Variants in FDFT1 observed in about 807,000 individuals in gnomAD.
FDFT1 encodes the protein farnesyl-diphosphate farnesyltransferase 1.
In FDFT1, 68 loss-of-function variants were observed where a neutral mutation model predicts 46.8. That is an observed-to-expected ratio of 1.45 (90% CI 1.19 to 1.78). FDFT1 has a LOEUF of 1.78. Ranked by LOEUF, FDFT1 falls within the 40% of genes most tolerant of loss-of-function variation. The pLI is 0.00. For missense variants in FDFT1, 928 were observed against 524.4 expected (o/e 1.77, Z -7.52); for synonymous variants, 351 against 185.1 (o/e 1.90, Z -7.28).
At chr8:11,820,583 G>T (rs767859228) in intron 3 of FDFT1, among the ~76,000 whole-genome samples, 2 of 152,176 alleles carry the variant, frequency 1.3e-5, no homozygotes, top group African/African-American at 2.4e-5. Flanking sequence ...TGGCGGGGAG[G>T]CGCTTCCCCT....
intron 1 of FDFT1, chr8:11,808,333 G>C: frequency 8.1e-7 from 1 of 1,234,148 alleles, no homozygotes. Context: ...AAGGGCAACA[G>C]CGGGAGGAGG....
intron 7 of FDFT1, among the ~76,000 whole-genome samples, chr8:11,832,551 C>CAAAAAAAAAAAAAAAAAAAAAAAAAAAA (rs531759815): frequency 5.5e-5 from 2 of 36,358 alleles, no homozygotes; most frequent in Non-Finnish European, 1.1e-4. Context: ...GACTTTGTCT[C>CAAAAAAAAAAAAAAAAAAAAAAAAAAAA]AAAAAAAAAA....
At chr8:11,813,539 T>C (rs1291060130) in intron 3 of FDFT1, among the ~76,000 whole-genome samples, 1 of 152,222 alleles carries the variant, frequency 6.6e-6, no homozygotes, top group African/African-American at 2.4e-5. Flanking sequence ...CCCGTGAAGT[T>C]AAGTGACAGA....
chr8:11,828,708 T>A (rs1403129742), intron 5 of FDFT1, among the ~76,000 whole-genome samples: 1 of 152,260 alleles, frequency 6.6e-6, no homozygotes, highest in African/African-American at 2.4e-5. Flanking sequence ...GATGAACTTC[T>A]AGCATAGAGT....
chr8:11,833,841 C>G (rs1163308563), intron 7 of FDFT1, among the ~76,000 whole-genome samples: 1 of 152,200 alleles, frequency 6.6e-6, no homozygotes, highest in African/African-American at 2.4e-5. Flanking sequence ...TCTGTTATCC[C>G]AGTAAAACTC....
chr8:11,802,363 C>T (rs538445210), upstream of FDFT1: 36 of 448,002 alleles, frequency 8.0e-5, no homozygotes, highest in Non-Finnish European at 9.0e-5. Context: ...CCCCGCACTG[C>T]TCTCCCGACT....
At chr8:11,822,508 T>C (rs1273453414) in intron 4 of FDFT1, among the ~76,000 whole-genome samples, 6 of 152,196 alleles carry the variant, frequency 3.9e-5, no homozygotes, top group African/African-American at 1.4e-4. Context: ...CTGCTAGAAA[T>C]CAATTTCTGC....
rs918041431 is a variant in FDFT1 at position 11,808,553 on chromosome 8, C to T, written c.100-241C>T. On this transcript the variant is annotated intron_variant, in intron 1 of 7. Transcript: ENST00000220584. ...CCGCCTGCGGCACCAAGGCCATGGC[C>T]CTCTTCAAGCGCACCTTGGTGCTGA... is the stretch of plus-strand genomic sequence containing the variant. 4 of 1,365,284 alleles carry T rather than the reference C, an allele frequency of 2.9e-6. No individual in the cohort carries two copies. In the South Asian group the frequency reaches 7.0e-5, roughly 24 times the overall value. 84.6% of individuals were successfully genotyped at this position (1,365,284 alleles called of 1,614,324 possible).
At chr8:11,814,886 T>G (rs532525595) in intron 3 of FDFT1, among the ~76,000 whole-genome samples, 1 of 152,276 alleles carries the variant, frequency 6.6e-6, no homozygotes. Context: ...TCTTTTATTA[T>G]ACTTTAAGTT....
At chr8:11,811,212 G>T (rs1021099947) in intron 3 of FDFT1, among the ~76,000 whole-genome samples, 2 of 152,206 alleles carry the variant, frequency 1.3e-5, no homozygotes, top group South Asian at 4.1e-4. Flanking sequence ...ATGACCAGAG[G>T]ATGGGTTTCC....
At chr8:11,837,663 G>C (rs1210682030) in intron 7 of FDFT1, among the ~76,000 whole-genome samples, 3 of 152,092 alleles carry the variant, frequency 2.0e-5, no homozygotes, top group Non-Finnish European at 4.4e-5. Flanking sequence ...CTCCAGGTGA[G>C]AGGGCTGGTG....
chr8:11,801,658 T>C (rs1263788015), upstream of FDFT1: 2 of 290,766 alleles, frequency 6.9e-6, no homozygotes, highest in African/African-American at 4.6e-5. Flanking sequence ...GGTTGCTGTG[T>C]TAAAACAGAC....
At chr8:11,816,442 T>C (rs1808461342) in intron 3 of FDFT1, among the ~76,000 whole-genome samples, 2 of 152,244 alleles carry the variant, frequency 1.3e-5, no homozygotes, top group African/African-American at 2.4e-5. Context: ...GCATTGAATC[T>C]GTAAATTACC....
chr8:11,817,347 C>T (rs1005388302), intron 3 of FDFT1, among the ~76,000 whole-genome samples: 5 of 152,192 alleles, frequency 3.3e-5, no homozygotes, highest in African/African-American at 9.6e-5. Context: ...TATTGTTTGT[C>T]TGCCAGGCTT....
In FDFT1 at chr8:11,824,659, C is replaced by T. The variant is rs576059819; in HGVS notation, c.511-1365C>T. Among the ~76,000 whole-genome samples, 250 of 152,194 alleles carry T rather than the reference C, an allele frequency of 1.6e-3. 2 individuals are homozygous for T. Among genetic ancestry groups the T allele is most frequent in the African/African-American group, 5.8e-3 (242 of 41,544 alleles). On this transcript the variant is annotated intron_variant, in intron 4 of 7. Coordinates refer to ENST00000220584, the MANE Select transcript of FDFT1 (RefSeq NM_004462.5). Reference sequence around the variant, plus strand: ...AATCGACTTCTTTGTGCCTCAGTTTCCTCATCTGAAATGGAGATCATACTG... The same window carrying T: ...AATCGACTTCTTTGTGCCTCAGTTTTCTCATCTGAAATGGAGATCATACTG...
At chr8:11,808,487 G>T in intron 1 of FDFT1, 1 of 1,327,358 alleles carries the variant, frequency 7.5e-7, no homozygotes, top group East Asian at 3.0e-5. Flanking sequence ...TGAGTCTATG[G>T]AGGAAAAACT....
chr8:11,817,404 C>T (rs1337685918), intron 3 of FDFT1, among the ~76,000 whole-genome samples: 1 of 152,150 alleles, frequency 6.6e-6, no homozygotes, highest in East Asian at 1.9e-4. Context: ...AGGGAGGATT[C>T]CCTCTTTTTC....
chr8:11,802,860 C>G lies in FDFT1; in HGVS notation c.28C>G (p.Pro10Ala). Residue 10 changes from proline to alanine, a missense_variant, in exon 1 of 8, where the codon CCC becomes GCC. Physicochemically the swap from Pro to Ala is conservative, Grantham distance 27 (BLOSUM62 -1). Coordinates refer to ENST00000220584, the MANE Select transcript of FDFT1 (RefSeq NM_004462.5). ...GGAGTTCGTGAAATGCCTTGGCCACCCCGAAGAGTTCTACAACCTGGTGCG... is the reference window on the plus strand; with the variant it reads ...GGAGTTCGTGAAATGCCTTGGCCACGCCGAAGAGTTCTACAACCTGGTGCG... MEFVKCLGHPEEFYNLVRFR... is the reference protein window; with the variant it reads MEFVKCLGHAEEFYNLVRFR... 6.2e-7 allele frequency: 1 copy of G among 1,611,934 alleles called. No homozygotes were observed. The highest frequency in any genetic ancestry group is 8.5e-7 in the Non-Finnish European group (1 of 1,178,986).
At chr8:11,806,256 G>A (rs996064450) in intron 1 of FDFT1, among the ~76,000 whole-genome samples, 4 of 152,210 alleles carry the variant, frequency 2.6e-5, no homozygotes, top group African/African-American at 9.6e-5. Context: ...ATCTCAGACT[G>A]CAATAGATAA....
Sources: allele counts gnomAD v4.1 joint callset (sites outside exome capture counted in the v4.1 genomes callset), GRCh38; gene constraint gnomAD v4.1.1; transcripts MANE v1.5; gene names NCBI Gene and HGNC (gene_info 2026-07-23, HGNC 2026-07-21).